The following MCF2L2 variants were observed in gnomAD, a reference collection of about 807,000 sequenced individuals.
MCF2L2 encodes probable guanine nucleotide exchange factor MCF2L2.
In MCF2L2, 102 loss-of-function variants were observed where a neutral mutation model predicts 150.2. The ratio of observed to expected loss-of-function variants is 0.68; its 90% CI spans 0.58 to 0.80. The LOEUF is 0.80. Among genes scored for constraint, MCF2L2 ranks in the 30% least tolerant of loss-of-function variants. The pLI, the probability that MCF2L2 is intolerant of heterozygous loss-of-function variation, is 0.00. For synonymous variants in MCF2L2, 465 were observed against 491.3 expected, an observed-to-expected ratio of 0.95 and a Z score of 0.71; for missense variants, 1,256 against 1,372.8, an observed-to-expected ratio of 0.91 and a Z score of 1.34.
chr3:183,278,235 CAAATAA>C lies in MCF2L2; in HGVS notation c.1777-1284_1777-1279del, dbSNP rs200475053. ...ATTTTTTATTATATTGTTTATTAAA[CAAATAA>C]AAATAAAAGATATCTCATCAGTTAC... On this transcript the variant is annotated intron_variant, in intron 14 of 29. Coordinates refer to ENST00000328913, the MANE Select transcript of MCF2L2 (RefSeq NM_015078.4). Among the ~76,000 whole-genome samples the C allele has an allele frequency of 9.7e-3, 1,442 of 148,036 alleles. 20 individuals are homozygous for C. The highest frequency in any genetic ancestry group is 0.034 in the African/African-American group (1,375 of 40,268).
At chr3:183,191,454 G>T (rs1197751120) in intron 27 of MCF2L2, among the ~76,000 whole-genome samples, 5 of 152,070 alleles carry the variant, frequency 3.3e-5, no homozygotes, top group Admixed American at 2.6e-4. Flanking sequence ...TATCCTCAGG[G>T]GCTACTTCCA....
chr3:183,186,445 T>C (rs1233141019), intron 27 of MCF2L2, among the ~76,000 whole-genome samples: 1 of 152,054 alleles, frequency 6.6e-6, no homozygotes, highest in Non-Finnish European at 1.5e-5. Context: ...TTTTTGTAGG[T>C]CCAGTGCAGT....
chr3:183,391,750 C>A (rs1714165490), intron 1 of MCF2L2, among the ~76,000 whole-genome samples: 1 of 152,098 alleles, frequency 6.6e-6, no homozygotes, highest in African/African-American at 2.4e-5. Flanking sequence ...CACAAGTAGA[C>A]AACAACATAG....
intron 6 of MCF2L2, among the ~76,000 whole-genome samples, chr3:183,321,626 A>G (rs907715336): frequency 5.3e-5 from 8 of 152,324 alleles, no homozygotes; most frequent in Non-Finnish European, 5.9e-5. Context: ...AAAAATTGCA[A>G]TATCTGTGAA....
intron 27 of MCF2L2, among the ~76,000 whole-genome samples, chr3:183,189,938 C>T (rs1441420489): frequency 6.6e-6 from 1 of 152,200 alleles, no homozygotes; most frequent in Non-Finnish European, 1.5e-5. Context: ...GCAGACTCGC[C>T]TAGGCTGAGA....
Position 183,303,389 on chromosome 3 carries a change from G to A in MCF2L2, c.1114-3193C>T, listed in dbSNP as rs150938288. Among the ~76,000 whole-genome samples the A allele has an allele frequency of 5.8e-3, 883 of 152,250 alleles. 4 individuals carry two copies. Among genetic ancestry groups the A allele is most frequent in the Non-Finnish European group, 7.2e-3 (491 of 67,998 alleles). On this transcript the variant is annotated intron_variant, in intron 10 of 29. Transcript: ENST00000328913. The stretch of plus-strand genomic sequence containing the variant: ...CACAGATGACTGCCACATTCCAAAA[G>A]GTCTCCAGGAGCAGAGAGCCCATGA...
rs1294990037 is a variant in MCF2L2 at position 183,360,989 on chromosome 3, A to AG, written c.275+18307_275+18308insC. On this transcript the variant is annotated intron_variant, in intron 3 of 29. Coordinates refer to ENST00000328913, the MANE Select transcript of MCF2L2 (RefSeq NM_015078.4). ...AAAAGAAAAGAAAAGAAAAGAAAAG[A>AG]AAAGAAAAGAAAAGAAAAGAAAAGA... 1.4e-3 allele frequency among the ~76,000 whole-genome samples: 187 copies of AG among 133,588 alleles called. 8 individuals carry two copies. The highest frequency in any genetic ancestry group is 8.3e-3 in the East Asian group (42 of 5,078). The allele number at this position is 133,588 out of a possible 152,430, so 87.6% of individuals were successfully genotyped here.
At chr3:183,225,353 A>G (rs1723306205) in intron 18 of MCF2L2, 1 of 152,242 alleles carries the variant, frequency 6.6e-6, no homozygotes, top group African/African-American at 2.4e-5. Context: ...AGCTAGAATA[A>G]TAACTCAGAG....
In MCF2L2 at chr3:183,311,741, G is replaced by C; in HGVS notation, c.785C>G (p.Thr262Ser). 6.2e-7 allele frequency: 1 copy of C among 1,613,984 alleles called. No individual in the cohort carries two copies. Among genetic ancestry groups the C allele is most frequent in the Non-Finnish European group, 8.5e-7 (1 of 1,179,968 alleles). ...TTCTTGGATGCATGACAGCAATGTGGTCCCCTGCTTTCCAAGTAATTTCAG... is the reference window on the plus strand; with the variant it reads ...TTCTTGGATGCATGACAGCAATGTGCTCCCCTGCTTTCCAAGTAATTTCAG... The part of the protein sequence containing the change: ...DELKLLGKQG[T>S]TLLSCIQEPA... The change falls in exon 8 of 30, where the codon ACC becomes AGC. Residue 262 changes from threonine (T) to serine (S), a missense_variant. Thr to Ser is a moderately conservative substitution (Grantham distance 58). Coordinates refer to ENST00000328913, the MANE Select transcript of MCF2L2 (RefSeq NM_015078.4).
At chr3:183,328,187 C>T (rs578140385) in intron 5 of MCF2L2, among the ~76,000 whole-genome samples, 2 of 152,148 alleles carry the variant, frequency 1.3e-5, no homozygotes, top group Non-Finnish European at 2.9e-5. Context: ...TCTGTGCACC[C>T]CACACACCTT....
rs572451381 is a variant in MCF2L2, at chr3:183,423,894, T to C, written c.76+4008A>G. On this transcript the variant is annotated intron_variant, in intron 1 of 29. Coordinates refer to ENST00000328913, the MANE Select transcript of MCF2L2 (RefSeq NM_015078.4). Reference sequence around the variant, plus strand: ...GCCTCGGCCTCCCAAAGTGCTGGGATTACAGGTGTGAGCCACTGCGCCCGG... The same window carrying C: ...GCCTCGGCCTCCCAAAGTGCTGGGACTACAGGTGTGAGCCACTGCGCCCGG... 9.9e-5 allele frequency among the ~76,000 whole-genome samples: 15 copies of C among 151,840 alleles called. No homozygotes were observed. The East Asian group carries it at 2.9e-3, about 30-fold the overall frequency.
intron 22 of MCF2L2, among the ~76,000 whole-genome samples, chr3:183,211,664 A>G (rs1246937975): frequency 6.6e-6 from 1 of 152,238 alleles, no homozygotes; most frequent in Admixed American, 6.5e-5. Flanking sequence ...ACTAGACTGT[A>G]GTTGATCTCA....
At chr3:183,392,581 AG>A (rs1190554940) in intron 1 of MCF2L2, among the ~76,000 whole-genome samples, 3 of 152,230 alleles carry the variant, frequency 2.0e-5, no homozygotes, top group Non-Finnish European at 4.4e-5. Context: ...CTTGCTCTCC[AG>A]CCAGGAAGTG....
chr3:183,381,499 T>C (rs1053412211), intron 2 of MCF2L2, among the ~76,000 whole-genome samples: 5 of 152,326 alleles, frequency 3.3e-5, no homozygotes, highest in East Asian at 1.9e-4. Context: ...TCCAAGTAAA[T>C]TGTAAACTTG....
rs1377925628 is a variant in MCF2L2, at chr3:183,286,251, A to AT, written c.1776+2868dup. On this transcript the variant is annotated intron_variant, in intron 14 of 29. Transcript: ENST00000328913. Reference sequence around the variant, plus strand: ...TTATAGATGGTTTTGGTTCACAGCTATTTTTTTTCTCGGTATATTTACTCT... The same window carrying AT: ...TTATAGATGGTTTTGGTTCACAGCTATTTTTTTTTCTCGGTATATTTACTCT... 4.6e-5 allele frequency among the ~76,000 whole-genome samples: 7 copies of AT among 152,008 alleles called. 1 individual carries two copies. The South Asian group carries it at 1.0e-3, about 23-fold the overall frequency.
chr3:183,212,876 C>G (rs537116314), intron 22 of MCF2L2, among the ~76,000 whole-genome samples: 3 of 144,804 alleles, frequency 2.1e-5, no homozygotes, highest in African/African-American at 7.7e-5. Flanking sequence ...GGGCGCCAGG[C>G]ACAGTGCTTG....
At chr3:183,405,839 C>T (rs1715013842) in intron 1 of MCF2L2, among the ~76,000 whole-genome samples, 1 of 152,204 alleles carries the variant, frequency 6.6e-6, no homozygotes, top group Admixed American at 6.5e-5. Context: ...CCTCAGCCTC[C>T]CCAGTAGCTG....
chr3:183,259,972 TCATCCA>T (rs1725437584), intron 15 of MCF2L2, among the ~76,000 whole-genome samples: 1 of 152,168 alleles, frequency 6.6e-6, no homozygotes, highest in East Asian at 1.9e-4. Context: ...AAGCAAATTC[TCATCCA>T]TCTTGGGTTG....
At position 183,351,218 on chromosome 3, in the gene MCF2L2, ATATATATATATATATATATT is replaced by A. The variant is rs1202428184; in HGVS notation, c.276-9608_276-9589del. Among the ~76,000 whole-genome samples the A allele has an allele frequency of 1.7e-4, 15 of 90,284 alleles. 1 individual carries two copies. The highest frequency in any genetic ancestry group is 4.1e-4 in the South Asian group (1 of 2,444). 59.2% of individuals were successfully genotyped at this position (90,284 alleles called of 152,430 possible). A position where few individuals can be genotyped will look rare whatever the true frequency, so the allele number is the denominator to read the frequency against. ...TATATATATATATATATATATATATATATATATATATATATATATTTATTTATTTATTTATCAGAACCCCA... is the reference window on the plus strand; with the variant it reads ...TATATATATATATATATATATATATATATTTATTTATTTATCAGAACCCCA... On this transcript the variant is annotated intron_variant, in intron 3 of 29. Transcript: ENST00000328913.
Sources: allele counts gnomAD v4.1 joint callset (sites outside exome capture counted in the v4.1 genomes callset), GRCh38; gene constraint gnomAD v4.1.1; transcripts MANE v1.5; gene names NCBI Gene and HGNC (gene_info 2026-07-23, HGNC 2026-07-21).